The following ANKRD17 variants were observed in gnomAD, a reference collection of about 807,000 sequenced individuals.
ANKRD17 encodes ankyrin repeat domain-containing protein 17.
In ANKRD17, 19 loss-of-function variants were observed where a neutral mutation model predicts 229.7. That is an observed-to-expected ratio of 0.08 (90% CI 0.06 to 0.12). The LOEUF (loss-of-function observed/expected upper bound fraction) is 0.12, where lower values mean the gene tolerates loss of function less well. Ranked by LOEUF, ANKRD17 falls within the 10% of genes least tolerant of loss-of-function variation. ANKRD17 has a pLI of 1.00. For synonymous variants in ANKRD17, 1,112 were observed against 1,146.1 expected (o/e 0.97, Z 0.60); for missense variants, 2,176 against 3,176.8 (o/e 0.68, Z 7.57).
intron 22 of ANKRD17, among the ~76,000 whole-genome samples, chr4:73,116,508 G>A (rs1725976321): frequency 6.6e-6 from 1 of 152,050 alleles, no homozygotes; most frequent in Admixed American, 6.6e-5. Context: ...CCATACTGTT[G>A]CTTTCTGACA....
chr4:73,218,864 C>T (rs934994320), intron 1 of ANKRD17, among the ~76,000 whole-genome samples: 4 of 152,028 alleles, frequency 2.6e-5, no homozygotes, highest in Admixed American at 6.6e-5. Flanking sequence ...AGATTGAGAC[C>T]ATCCTGGCCA....
chr4:73,117,384 A>G (rs572809003), intron 22 of ANKRD17, among the ~76,000 whole-genome samples: 1 of 152,346 alleles, frequency 6.6e-6, no homozygotes, highest in South Asian at 2.1e-4. Context: ...CTAAGATTGG[A>G]TTTCAAATGA....
In ANKRD17 at chr4:73,258,585, G is replaced by A. The variant is rs1022643900; in HGVS notation, c.84C>T (p.Gly28=). ...GSPPAVAAVA[G]PPAAAEVGGG... ...CGCCGACCTCCGCCGCCGCGGGGGG[G>A]CCCGCCACAGCCGCCACCGCCGGGG... Residue 28 remains glycine, a synonymous_variant, in exon 1 of 34, where the codon GGC becomes GGT. Transcript: ENST00000358602. 4.1e-6 allele frequency: 6 copies of A among 1,461,626 alleles called. No individual in the cohort carries two copies. Among genetic ancestry groups the A allele is most frequent in the East Asian group, 2.8e-5 (1 of 35,916 alleles). 90.5% of individuals were successfully genotyped at this position (1,461,626 alleles called of 1,614,324 possible).
At chr4:73,222,952 T>C in intron 1 of ANKRD17, 3 of 1,507,254 alleles carry the variant, frequency 2.0e-6, no homozygotes, top group Non-Finnish European at 2.7e-6. Context: ...AACTTTCATT[T>C]CACTTACAAA....
chr4:73,146,953 G>T lies in ANKRD17; in HGVS notation c.1760-80C>A, dbSNP rs572736989. On this transcript the variant is annotated intron_variant, in intron 9 of 33. Coordinates refer to ENST00000358602, the MANE Select transcript of ANKRD17 (RefSeq NM_032217.5). ...ATGACGAAAATAAAAACTTCTTCTA[G>T]ATAAGTCATACCTCCTCAAGTTAAA... The T allele has an allele frequency of 4.3e-4, 500 of 1,158,736 alleles. 5 individuals carry two copies. In the South Asian group the frequency reaches 7.6e-3, roughly 18 times the overall value. The allele number at this position is 1,158,736 out of a possible 1,614,324, so 71.8% of individuals were successfully genotyped here.
At chr4:73,174,887 G>C (rs1159386776) in intron 2 of ANKRD17, among the ~76,000 whole-genome samples, 1 of 152,024 alleles carries the variant, frequency 6.6e-6, no homozygotes, top group Non-Finnish European at 1.5e-5. Context: ...ATCTCTACAA[G>C]GGAAACTATA....
At position 73,189,541 on chromosome 4, in the gene ANKRD17, C is replaced by T. The variant is rs956640101; in HGVS notation, c.394-12008G>A. 4.0e-5 allele frequency among the ~76,000 whole-genome samples: 6 copies of T among 151,474 alleles called. No individual in the cohort carries two copies. The East Asian group carries it at 5.8e-4, about 15-fold the overall frequency. On this transcript the variant is annotated intron_variant, in intron 1 of 33. Transcript: ENST00000358602. ...CCTCCTGAGCAGCTGGGACTACAGG[C>T]GGTCACCACCATGCCTGGCTACCAT...
intron 24 of ANKRD17, chr4:73,104,061 T>C (rs1314961347): frequency 6.6e-6 from 1 of 152,172 alleles, no homozygotes; most frequent in African/African-American, 2.4e-5. Context: ...AAGGAAAACC[T>C]GTAGGTAGAA....
At chr4:73,219,707 T>G (rs978622613) in intron 1 of ANKRD17, among the ~76,000 whole-genome samples, 2 of 152,124 alleles carry the variant, frequency 1.3e-5, no homozygotes, top group Admixed American at 6.6e-5. Flanking sequence ...TACCACAACC[T>G]ATAACATCAA....
At chr4:73,148,215 T>C (rs1025252357) in intron 8 of ANKRD17, among the ~76,000 whole-genome samples, 1 of 152,136 alleles carries the variant, frequency 6.6e-6, no homozygotes, top group African/African-American at 2.4e-5. Context: ...CTTAAATTTG[T>C]CCAGACAAAA....
chr4:73,116,715 C>G (rs768493211), intron 22 of ANKRD17, among the ~76,000 whole-genome samples: 1 of 152,056 alleles, frequency 6.6e-6, no homozygotes, highest in Admixed American at 6.6e-5. Context: ...TGGGACAACT[C>G]AAACAGTTAC....
intron 21 of ANKRD17, among the ~76,000 whole-genome samples, chr4:73,119,299 C>T (rs1726404207): frequency 6.6e-6 from 1 of 152,124 alleles, no homozygotes; most frequent in South Asian, 2.1e-4. Context: ...GTAAATATGT[C>T]TTGCTCTCAG....
intron 25 of ANKRD17, among the ~76,000 whole-genome samples, chr4:73,101,439 G>A (rs1419430505): frequency 6.6e-6 from 1 of 152,028 alleles, no homozygotes; most frequent in African/African-American, 2.4e-5. Flanking sequence ...TGAGGCAGGG[G>A]GGATCACTTG....
chr4:73,170,082 C>T (rs1252775810), intron 2 of ANKRD17, among the ~76,000 whole-genome samples: 1 of 152,092 alleles, frequency 6.6e-6, no homozygotes, highest in Non-Finnish European at 1.5e-5. Context: ...CAGGCAACTT[C>T]CTGAGCCACC....
In ANKRD17 at chr4:73,078,893, A is replaced by G. The variant is rs768037562; in HGVS notation, c.7160-3T>C. On this transcript the variant is annotated splice_polypyrimidine_tract_variant and splice_region_variant and intron_variant, in intron 30 of 33. Coordinates refer to ENST00000358602, the MANE Select transcript of ANKRD17 (RefSeq NM_032217.5). ...GGATACTGACTGTGCAGAAGAATCT[A>G]GAGAAGAGATATTTTGAAATAAAAT... 1 of 1,608,158 alleles carries G rather than the reference A, an allele frequency of 6.2e-7. No individual in the cohort carries two copies. Among genetic ancestry groups the G allele is most frequent in the Non-Finnish European group, 8.5e-7 (1 of 1,177,364 alleles).
chr4:73,226,390 T>TA (rs1491237419), intron 1 of ANKRD17, among the ~76,000 whole-genome samples: 18 of 49,368 alleles, frequency 3.6e-4, no homozygotes, highest in Non-Finnish European at 5.4e-4. Context: ...TTTTCTTCTG[T>TA]TTTTTTTTTT....
intron 1 of ANKRD17, among the ~76,000 whole-genome samples, chr4:73,183,522 C>T (rs1002049424): frequency 3.3e-5 from 5 of 152,064 alleles, no homozygotes; most frequent in African/African-American, 9.7e-5. Context: ...GGCAGAATCT[C>T]GGTTCACTGC....
At chr4:73,251,564 G>A (rs1025625924) in intron 1 of ANKRD17, among the ~76,000 whole-genome samples, 3 of 85,190 alleles carry the variant, frequency 3.5e-5, no homozygotes, top group African/African-American at 1.8e-4. Flanking sequence ...AAAAAGTTAG[G>A]TTTGGTGTAG....
chr4:73,245,059 T>A (rs1033921898), intron 1 of ANKRD17, among the ~76,000 whole-genome samples: 7 of 152,092 alleles, frequency 4.6e-5, no homozygotes, highest in African/African-American at 1.7e-4. Context: ...AGTGGCAAAC[T>A]CCGACCTACA....
Sources: gnomAD v4.1 joint callset for allele counts (sites outside exome capture counted in the v4.1 genomes callset) on GRCh38, gnomAD v4.1.1 for gene constraint, MANE v1.5 for transcripts, NCBI Gene and HGNC (gene_info 2026-07-23, HGNC 2026-07-21) for gene names.